MTCL2: variants seen among roughly 807,000 people sequenced by gnomAD.
MTCL2 encodes microtubule cross-linking factor 2.
At chr20:36,809,519 T>G in the MTCL2 span, among the ~76,000 whole-genome samples, 1 of 150,802 alleles carries the variant, frequency 6.6e-6, no homozygotes, top group Non-Finnish European at 1.5e-5. Flanking sequence ...GCAAGGACAA[T>G]AACATCCCAG....
the MTCL2 span, chr20:36,810,251 T>G: frequency 1.3e-5 from 13 of 972,996 alleles, no homozygotes; most frequent in Non-Finnish European, 1.9e-5. Context: ...GCAGAATGAC[T>G]GTCCCCACCT....
chr20:36,808,171 G>A, the MTCL2 span, among the ~76,000 whole-genome samples: 10 of 151,216 alleles, frequency 6.6e-5, no homozygotes, highest in South Asian at 2.1e-4. Context: ...CACCGCACCC[G>A]GCCAAGAAAC....
chr20:36,797,477 G>A, the MTCL2 span: 1,885 of 1,550,954 alleles, frequency 1.2e-3, 22 homozygotes, highest in African/African-American at 0.023. Flanking sequence ...AGCCAAGATA[G>A]CATGGCAGCA....
At chr20:36,784,701 C>T in the MTCL2 span, 9 of 985,474 alleles carry the variant, frequency 9.1e-6, no homozygotes, top group Non-Finnish European at 1.1e-5. Context: ...CGAAATCCAA[C>T]CAATGGCTCA....
chr20:36,833,205 T>G, the MTCL2 span, among the ~76,000 whole-genome samples: 4 of 152,258 alleles, frequency 2.6e-5, no homozygotes, highest in East Asian at 5.8e-4. Context: ...CACATTACAT[T>G]AACATCAACA....
the MTCL2 span, among the ~76,000 whole-genome samples, chr20:36,835,590 C>T: frequency 6.6e-6 from 1 of 152,124 alleles, no homozygotes; most frequent in South Asian, 2.1e-4. Flanking sequence ...AAGACGATGC[C>T]AGGGAAAGCA....
chr20:36,858,463 AACACAC>A, the MTCL2 span, among the ~76,000 whole-genome samples: 700 of 24,506 alleles, frequency 0.029, 68 homozygotes, highest in African/African-American at 0.038. Context: ...AAGGAGGGAA[AACACAC>A]ACACACACAC....
chr20:36,786,956 T>C, the MTCL2 span, among the ~76,000 whole-genome samples: 1 of 152,166 alleles, frequency 6.6e-6, no homozygotes, highest in Non-Finnish European at 1.5e-5. Flanking sequence ...CACGAACACT[T>C]TTCTGTCACT....
the MTCL2 span, among the ~76,000 whole-genome samples, chr20:36,824,265 C>T: frequency 6.6e-6 from 1 of 152,184 alleles, no homozygotes; most frequent in African/African-American, 2.4e-5. Context: ...TTCATAGTAG[C>T]CAAAACAACC....
the MTCL2 span, among the ~76,000 whole-genome samples, chr20:36,838,794 C>T: frequency 6.6e-6 from 1 of 151,938 alleles, no homozygotes; most frequent in Admixed American, 6.6e-5. Flanking sequence ...ATGGTGAAAC[C>T]CTGTCTCTAC....
At chr20:36,843,372 G>GT in the MTCL2 span, among the ~76,000 whole-genome samples, 1 of 152,166 alleles carries the variant, frequency 6.6e-6, no homozygotes. Context: ...AGCTCGAGAG[G>GT]TTTTCCTGCC....
the MTCL2 span, among the ~76,000 whole-genome samples, chr20:36,814,235 G>C: frequency 3.9e-4 from 59 of 152,224 alleles, no homozygotes; most frequent in South Asian, 0.012. Flanking sequence ...TCAGCAGTGA[G>C]CACAAAAACT....
At chr20:36,833,736 A>G in the MTCL2 span, among the ~76,000 whole-genome samples, 4 of 152,238 alleles carry the variant, frequency 2.6e-5, no homozygotes, top group African/African-American at 9.6e-5. Context: ...CTGCAGTATC[A>G]GCTACTCAGG....
At chr20:36,806,024 G>T in the MTCL2 span, 1 of 1,376,878 alleles carries the variant, frequency 7.3e-7, no homozygotes, top group Non-Finnish European at 1.0e-6. Flanking sequence ...CCAACCTTGG[G>T]CACCATGTAG....
At chr20:36,839,266 G>A in the MTCL2 span, 1 of 1,610,166 alleles carries the variant, frequency 6.2e-7, no homozygotes, top group South Asian at 1.1e-5. The surrounding 1 kb of genome is among the most constrained non-coding windows in gnomAD (Gnocchi z 5.1). Flanking sequence ...CACCTGGCCG[G>A]TCTGGGCGGC....
the MTCL2 span, among the ~76,000 whole-genome samples, chr20:36,848,145 G>A: frequency 6.6e-6 from 1 of 152,150 alleles, no homozygotes; most frequent in Non-Finnish European, 1.5e-5. Context: ...TGAGACCCCT[G>A]TCTCTAAATA....
the MTCL2 span, among the ~76,000 whole-genome samples, chr20:36,820,570 G>A: frequency 1.3e-5 from 2 of 152,232 alleles, no homozygotes; most frequent in Admixed American, 6.5e-5. Context: ...GGCTGGGTGT[G>A]GTGGCTCATG....
the MTCL2 span, among the ~76,000 whole-genome samples, chr20:36,795,016 A>G: frequency 6.6e-6 from 1 of 150,882 alleles, no homozygotes; most frequent in South Asian, 2.1e-4. Context: ...TCGGCTCACT[A>G]CAACTTCCAC....
the MTCL2 span, among the ~76,000 whole-genome samples, chr20:36,824,030 T>C: frequency 6.6e-6 from 1 of 152,110 alleles, no homozygotes; most frequent in East Asian, 1.9e-4. Context: ...TCCAGGTTTC[T>C]GAAGACACAA....
Sources: gnomAD v4.1 joint callset for allele counts (sites outside exome capture counted in the v4.1 genomes callset) on GRCh38, gnomAD v4.1.1 for gene constraint, Gnocchi (gnomAD v3.1) non-coding constraint, MANE v1.5 for transcripts, NCBI Gene and HGNC (gene_info 2026-07-23, HGNC 2026-07-21) for gene names.